UST: variants seen among roughly 807,000 people sequenced by gnomAD.
UST encodes the protein uronyl 2-sulfotransferase, also known as chondroitin sulfate 2-O-sulfotransferase.
A neutral mutation model predicts 45.6 loss-of-function variants in UST; 21 were observed. The observed-to-expected ratio is 0.46, with a 90% CI of 0.33 to 0.66. The LOEUF is 0.66. UST is among the 30% of genes least tolerant of loss of function. UST has a pLI of 0.02. For synonymous variants in UST, 215 were observed against 200.6 expected, an observed-to-expected ratio of 1.07 and a Z score of -0.61; for missense variants, 463 against 512.4, an observed-to-expected ratio of 0.90 and a Z score of 0.93.
chr6:148,790,990 A>G lies in UST; in HGVS notation c.247+43313A>G, dbSNP rs987631673. Among the ~76,000 whole-genome samples the G allele has an allele frequency of 1.6e-4, 24 of 152,246 alleles. No homozygotes were observed. Among genetic ancestry groups the G allele is most frequent in the Non-Finnish European group, 3.4e-4 (23 of 68,046 alleles). ...GGTGCACGCGTTAGTGAAACCTCGC[A>G]ACACATCAGTGACCAGGGTTACAGT... On this transcript the variant is annotated intron_variant, in intron 1 of 7. Coordinates refer to ENST00000367463, the MANE Select transcript of UST (RefSeq NM_005715.3). The surrounding 1 kb of genome is among the most constrained non-coding windows in gnomAD (Gnocchi z 4.2).
At chr6:149,049,931 TCACACACACACACACA>T (rs59151398) in intron 7 of UST, among the ~76,000 whole-genome samples, 8 of 134,476 alleles carry the variant, frequency 5.9e-5, no homozygotes, top group African/African-American at 2.3e-4. Context: ...TCTCTCTCTC[TCACACACACACACACA>T]CACACACACA....
intron 7 of UST, among the ~76,000 whole-genome samples, chr6:149,050,123 C>T (rs1216188911): frequency 6.6e-6 from 1 of 152,174 alleles, no homozygotes. Context: ...CAGGACTTGG[C>T]TTTCCAGGCC....
intron 2 of UST, among the ~76,000 whole-genome samples, chr6:148,925,700 C>T (rs969899539): frequency 6.6e-6 from 1 of 152,220 alleles, no homozygotes; most frequent in African/African-American, 2.4e-5. Context: ...CCTTTGGTCA[C>T]TCCCCATGAT....
chr6:149,008,395 G>GTGATTCA (rs1236273086), intron 5 of UST, among the ~76,000 whole-genome samples: 3 of 152,152 alleles, frequency 2.0e-5, no homozygotes, highest in African/African-American at 7.2e-5. Context: ...TGTGCTTGAG[G>GTGATTCA]TGGGTGGAAC....
At chr6:148,860,369 T>C (rs1054132891) in intron 1 of UST, among the ~76,000 whole-genome samples, 2 of 152,260 alleles carry the variant, frequency 1.3e-5, no homozygotes, top group Non-Finnish European at 2.9e-5. Context: ...TCGCTGAAGT[T>C]GCTTATCAGC....
intron 5 of UST, among the ~76,000 whole-genome samples, chr6:149,005,057 G>T (rs765069614): frequency 2.6e-5 from 4 of 151,720 alleles, no homozygotes; most frequent in Admixed American, 2.0e-4. Flanking sequence ...CCAGGCTGGT[G>T]ATCAGATGTC....
intron 7 of UST, among the ~76,000 whole-genome samples, chr6:149,063,090 C>G (rs1238486813): frequency 6.6e-6 from 1 of 152,220 alleles, no homozygotes; most frequent in South Asian, 2.1e-4. Context: ...AATCTCCACT[C>G]AGGACCGTAA....
intron 1 of UST, among the ~76,000 whole-genome samples, chr6:148,842,999 A>C (rs915600454): frequency 7.2e-5 from 11 of 152,214 alleles, no homozygotes; most frequent in African/African-American, 2.2e-4. Flanking sequence ...TGCAACCCTA[A>C]ATTTGAATGT....
chr6:148,867,321 CACACACAT>C (rs59715054), intron 1 of UST, among the ~76,000 whole-genome samples: 14,989 of 139,782 alleles, frequency 0.11, 1,026 homozygotes, highest in East Asian at 0.36. Context: ...CACACACACA[CACACACAT>C]ATATATGTAC....
At chr6:149,073,022 T>G (rs1336874221) in intron 7 of UST, among the ~76,000 whole-genome samples, 1 of 152,268 alleles carries the variant, frequency 6.6e-6, no homozygotes, top group African/African-American at 2.4e-5. Flanking sequence ...ACACTCTATA[T>G]ATAACATTTT....
intron 2 of UST, among the ~76,000 whole-genome samples, chr6:148,891,782 A>C (rs1011078574): frequency 5.9e-5 from 9 of 152,244 alleles, no homozygotes; most frequent in Non-Finnish European, 1.2e-4. Flanking sequence ...ACCAGAAAAA[A>C]ATAGTCATCA....
chr6:148,950,779 A>G (rs137960649), intron 3 of UST, among the ~76,000 whole-genome samples: 124 of 152,136 alleles, frequency 8.2e-4, no homozygotes, highest in African/African-American at 3.0e-3. Flanking sequence ...TCACTTATCT[A>G]CCATCTACCT....
In UST at chr6:148,938,806, T is replaced by C. The variant is rs1780068180; in HGVS notation, c.292-2473T>C. On this transcript the variant is annotated intron_variant, in intron 2 of 7. Coordinates refer to ENST00000367463, the MANE Select transcript of UST (RefSeq NM_005715.3). ...AGTATAAATAGTATATAATATTATA[T>C]CAAAATAGATAAACAGTAGTATATC... Among the ~76,000 whole-genome samples, 3 of 150,994 alleles carry C rather than the reference T, an allele frequency of 2.0e-5. No individual in the cohort carries two copies. The South Asian group carries it at 6.2e-4, about 31-fold the overall frequency.
Position 148,790,528 on chromosome 6 carries a change from G to A in UST, c.247+42851G>A, listed in dbSNP as rs1452057156. Among the ~76,000 whole-genome samples the A allele has an allele frequency of 6.6e-6, 1 of 152,156 alleles. No homozygotes were observed. Among genetic ancestry groups the A allele is most frequent in the African/African-American group, 2.4e-5 (1 of 41,450 alleles). ...ACCTCCACGTCCCACCTTGTGCCTG[G>A]TGAATGTCAGCCCTGCACTGTTAAG... is the stretch of plus-strand genomic sequence containing the variant. On this transcript the variant is annotated intron_variant, in intron 1 of 7. Coordinates refer to ENST00000367463, the MANE Select transcript of UST (RefSeq NM_005715.3). The surrounding 1 kb of genome is among the most constrained non-coding windows in gnomAD (Gnocchi z 4.2).
chr6:148,815,445 A>T (rs1777336497), intron 1 of UST, among the ~76,000 whole-genome samples: 1 of 152,312 alleles, frequency 6.6e-6, no homozygotes, highest in South Asian at 2.1e-4. Context: ...GTGACAAGTG[A>T]ACCCCAAGAG....
intron 1 of UST, among the ~76,000 whole-genome samples, chr6:148,820,188 C>T (rs1209435076): frequency 1.3e-5 from 2 of 152,182 alleles, no homozygotes; most frequent in African/African-American, 4.8e-5. Context: ...TTTAAATATA[C>T]TTATTCAGAA....
At chr6:149,016,679 G>A (rs575080421) in intron 5 of UST, among the ~76,000 whole-genome samples, 26 of 152,278 alleles carry the variant, frequency 1.7e-4, no homozygotes, top group Non-Finnish European at 2.6e-4. Flanking sequence ...AGGCTCTGGC[G>A]GTCTCTGATG....
chr6:148,969,984 C>T (rs1375813477), intron 5 of UST, among the ~76,000 whole-genome samples: 1 of 152,168 alleles, frequency 6.6e-6, no homozygotes, highest in Non-Finnish European at 1.5e-5. Context: ...CGAGGAGTAA[C>T]GAGAAAGGCA....
At chr6:148,758,008 C>T (rs1776129115) in intron 1 of UST, among the ~76,000 whole-genome samples, 2 of 152,328 alleles carry the variant, frequency 1.3e-5, no homozygotes, top group South Asian at 2.1e-4. Context: ...ACTTCTCTAA[C>T]CCAAGGCCTG....
Sources: gnomAD v4.1 joint callset for allele counts (sites outside exome capture counted in the v4.1 genomes callset) on GRCh38, gnomAD v4.1.1 for gene constraint, Gnocchi (gnomAD v3.1) non-coding constraint, MANE v1.5 for transcripts, NCBI Gene and HGNC (gene_info 2026-07-23, HGNC 2026-07-21) for gene names.